Variants in GRID2 observed in about 807,000 individuals in gnomAD.
GRID2 encodes the protein glutamate receptor ionotropic, delta-2.
A neutral mutation model predicts 114.8 loss-of-function variants in GRID2; 33 were observed. The observed-to-expected ratio is 0.29, with a 90% CI of 0.22 to 0.38. GRID2 has a LOEUF of 0.38. Among genes scored for constraint, GRID2 ranks in the 10% least tolerant of loss-of-function variants. The pLI is 1.00. For missense variants in GRID2, 1,184 were observed against 1,257.7 expected (o/e 0.94, Z 0.89); for synonymous variants, 505 against 449.9 (o/e 1.12, Z -1.55).
At chr4:92,485,516 C>T (rs901049933) in intron 1 of GRID2, among the ~76,000 whole-genome samples, 4 of 150,478 alleles carry the variant, frequency 2.7e-5, no homozygotes, top group Non-Finnish European at 5.9e-5. Context: ...CCTGTAAAAC[C>T]CCATTTCTAC....
intron 2 of GRID2, among the ~76,000 whole-genome samples, chr4:92,643,412 A>G (rs113981083): frequency 0.014 from 2,072 of 151,902 alleles, 50 homozygotes; most frequent in African/African-American, 0.047. Context: ...TCTCTTCTCT[A>G]TGATTCCATA....
intron 1 of GRID2, among the ~76,000 whole-genome samples, chr4:92,582,456 T>TA (rs1728227826): frequency 6.6e-6 from 1 of 151,918 alleles, no homozygotes; most frequent in East Asian, 1.9e-4. Flanking sequence ...TAATTATCCC[T>TA]AAACACCCTT....
chr4:92,960,414 A>G (rs1411985152), intron 2 of GRID2, among the ~76,000 whole-genome samples: 2 of 151,984 alleles, frequency 1.3e-5, no homozygotes, highest in African/African-American at 4.8e-5. Flanking sequence ...CAGTTATATT[A>G]GTTGTTCCCT....
chr4:93,193,874 C>T (rs1263626098), intron 4 of GRID2, among the ~76,000 whole-genome samples: 7 of 152,126 alleles, frequency 4.6e-5, no homozygotes. Context: ...ACAATTGTAC[C>T]TCACAGCATT....
intron 8 of GRID2, among the ~76,000 whole-genome samples, chr4:93,383,394 T>A (rs1579900572): frequency 6.6e-6 from 1 of 152,148 alleles, no homozygotes; most frequent in South Asian, 2.1e-4. Context: ...GGACTAAGGG[T>A]CAGGATAGGT....
At chr4:93,217,363 T>C (rs1429178760) in intron 6 of GRID2, 1 of 154,860 alleles carries the variant, frequency 6.5e-6, no homozygotes, top group African/African-American at 2.4e-5. Flanking sequence ...TGTAGAATTG[T>C]ATGGTCATAT....
chr4:92,890,504 T>C lies in GRID2; in HGVS notation c.245-194491T>C, dbSNP rs186874880. On this transcript the variant is annotated intron_variant, in intron 2 of 15. Coordinates refer to ENST00000282020, the MANE Select transcript of GRID2 (RefSeq NM_001510.4). ...GATATTTATGTGGCCAAAAAACATA[T>C]GAAAAAAAAAGCTCATCATCATTGG... Among the ~76,000 whole-genome samples, 6 of 151,686 alleles carry C rather than the reference T, an allele frequency of 4.0e-5. No individual in the cohort carries two copies. The East Asian group carries it at 9.7e-4, about 25-fold the overall frequency.
chr4:93,422,688 A>C, intron 9 of GRID2, 83 bp from the exon 10 acceptor site: 2 of 839,528 alleles, frequency 2.4e-6, no homozygotes, highest in Non-Finnish European at 3.8e-6. Context: ...TTTTAGATTT[A>C]ATCAAAACTC....
intron 4 of GRID2, among the ~76,000 whole-genome samples, chr4:93,196,844 A>G (rs1741549611): frequency 6.6e-6 from 1 of 152,108 alleles, no homozygotes; most frequent in Non-Finnish European, 1.5e-5. Context: ...GTAACAGATA[A>G]CTGTTTCTCT....
intron 1 of GRID2, among the ~76,000 whole-genome samples, chr4:92,457,395 G>T (rs1721270891): frequency 6.6e-6 from 1 of 151,994 alleles, no homozygotes; most frequent in South Asian, 2.1e-4. Context: ...GAGTCATTTG[G>T]CTTAGTACCT....
At chr4:93,215,904 A>G (rs1744155839) in intron 5 of GRID2, among the ~76,000 whole-genome samples, 1 of 152,034 alleles carries the variant, frequency 6.6e-6, no homozygotes, top group Non-Finnish European at 1.5e-5. Context: ...AACCAATAGT[A>G]TGTTAATTAC....
chr4:93,418,409 ATTCTCAAATTTGTTTAG>A (rs1767932685), intron 9 of GRID2, among the ~76,000 whole-genome samples: 1 of 151,958 alleles, frequency 6.6e-6, no homozygotes, highest in African/African-American at 2.4e-5. Context: ...GTCTTTTCTA[ATTCTCAAATTTGTTTAG>A]TTCTTTTTCA....
chr4:92,384,577 A>ATATATTATATATAATATAATATATAAT lies in GRID2; in HGVS notation c.88+79833_88+79834insTATATTATATATAATATAATATATAAT, dbSNP rs1560599086. Among the ~76,000 whole-genome samples, 299 of 49,672 alleles carry ATATATTATATATAATATAATATATAAT rather than the reference A, an allele frequency of 6.0e-3. 18 individuals are homozygous for ATATATTATATATAATATAATATATAAT. Among genetic ancestry groups the ATATATTATATATAATATAATATATAAT allele is most frequent in the African/African-American group, 0.028 (287 of 10,420 alleles). 32.6% of individuals were successfully genotyped at this position (49,672 alleles called of 152,430 possible). ...ATATTATATATAATATAATATATAA[A>ATATATTATATATAATATAATATATAAT]ATATATTATATTATATATAACATAA... On this transcript the variant is annotated intron_variant, in intron 1 of 15. Coordinates refer to ENST00000282020, the MANE Select transcript of GRID2 (RefSeq NM_001510.4).
chr4:93,668,641 A>G (rs1225143295), intron 14 of GRID2, among the ~76,000 whole-genome samples: 1 of 152,026 alleles, frequency 6.6e-6, no homozygotes, highest in Non-Finnish European at 1.5e-5. Flanking sequence ...GTGTGTGCTA[A>G]TTGCAATTAT....
At chr4:93,226,950 T>A (rs1745551296) in intron 7 of GRID2, among the ~76,000 whole-genome samples, 1 of 152,170 alleles carries the variant, frequency 6.6e-6, no homozygotes, top group Non-Finnish European at 1.5e-5. Flanking sequence ...CTGGGTCCAC[T>A]TGAGCCACAA....
intron 2 of GRID2, among the ~76,000 whole-genome samples, chr4:93,027,058 G>A (rs888641267): frequency 6.6e-6 from 1 of 152,002 alleles, no homozygotes; most frequent in African/African-American, 2.4e-5. Context: ...CAAATCAACT[G>A]TGGAATGCGA....
At chr4:92,564,292 GATTTA>G (rs1417846454) in intron 1 of GRID2, among the ~76,000 whole-genome samples, 4 of 152,032 alleles carry the variant, frequency 2.6e-5, no homozygotes, top group African/African-American at 9.6e-5. Flanking sequence ...AAATTAATGT[GATTTA>G]ATTAATTACT....
chr4:93,041,330 C>T (rs2149268814), intron 2 of GRID2, among the ~76,000 whole-genome samples: 1 of 152,276 alleles, frequency 6.6e-6, no homozygotes, highest in South Asian at 2.1e-4. Flanking sequence ...TCTCACAATT[C>T]TCTCTTAATG....
chr4:92,320,800 A>G (rs990017409), intron 1 of GRID2, among the ~76,000 whole-genome samples: 40 of 152,032 alleles, frequency 2.6e-4, no homozygotes, highest in African/African-American at 9.7e-4. Context: ...TTTTGAAAAT[A>G]TTTCTTTTTT....
Sources: allele counts gnomAD v4.1 joint callset (sites outside exome capture counted in the v4.1 genomes callset), GRCh38; gene constraint gnomAD v4.1.1; transcripts MANE v1.5; gene names NCBI Gene and HGNC (gene_info 2026-07-23, HGNC 2026-07-21).